Variants in PTPRK observed in about 807,000 individuals in gnomAD.
The protein encoded by PTPRK is receptor-type tyrosine-protein phosphatase kappa.
Under a neutral mutation model 178.0 loss-of-function variants are expected in PTPRK, and 75 were observed. That is an observed-to-expected ratio of 0.42 (90% CI 0.35 to 0.51). PTPRK has a LOEUF of 0.51. PTPRK is among the 20% of genes least tolerant of loss of function. The probability of loss-of-function intolerance (pLI) is 0.02; values close to 1 mark genes in which losing one functional copy is unlikely to be tolerated. For synonymous variants in PTPRK, 637 were observed against 620.6 expected (o/e 1.03, Z -0.39); for missense variants, 1,441 against 1,797.8 (o/e 0.80, Z 3.59).
intron 3 of PTPRK, among the ~76,000 whole-genome samples, chr6:128,262,820 T>A (rs188266391): frequency 1.3e-5 from 2 of 149,728 alleles, no homozygotes; most frequent in Admixed American, 1.3e-4. Context: ...TTTTTTTTTT[T>A]TCCCAAGAAT....
At chr6:128,503,842 T>TGTGTGTGTG (rs1855908148) in intron 1 of PTPRK, among the ~76,000 whole-genome samples, 1 of 139,886 alleles carries the variant, frequency 7.1e-6, no homozygotes, top group African/African-American at 2.7e-5. Flanking sequence ...CTGGTTATTA[T>TGTGTGTGTG]TGTGTGTGTG....
At chr6:128,333,015 A>C (rs1203527144) in intron 2 of PTPRK, among the ~76,000 whole-genome samples, 2 of 152,216 alleles carry the variant, frequency 1.3e-5, no homozygotes, top group Non-Finnish European at 2.9e-5. Context: ...AGTAGTGAAA[A>C]GTTTTGAGAA....
chr6:128,480,188 G>A (rs1192842116), intron 1 of PTPRK, among the ~76,000 whole-genome samples: 1 of 152,092 alleles, frequency 6.6e-6, no homozygotes, highest in Non-Finnish European at 1.5e-5. Context: ...GCCTGACTGT[G>A]GCTGAAACCC....
chr6:128,124,274 T>C lies in PTPRK; in HGVS notation c.1163-34282A>G, dbSNP rs563641438. ...GACCAGGCTGGTCTCAAACACCTGA[T>C]CTACCTCAGGTGACCCACCCACCAC... On this transcript the variant is annotated intron_variant, in intron 7 of 29. Transcript: ENST00000368226. Among the ~76,000 whole-genome samples the C allele has an allele frequency of 2.0e-5, 3 of 152,062 alleles. No homozygotes were observed. The South Asian group carries it at 6.2e-4, about 32-fold the overall frequency.
intron 28 of PTPRK, 135 bp from the exon 29 acceptor site, chr6:127,973,292 T>C: frequency 7.0e-7 from 1 of 1,419,344 alleles, no homozygotes; most frequent in Non-Finnish European, 9.5e-7. Context: ...TTGCTTTATA[T>C]GTGTACAAGG....
At chr6:128,054,809 A>C (rs1779626629) in intron 13 of PTPRK, among the ~76,000 whole-genome samples, 1 of 152,226 alleles carries the variant, frequency 6.6e-6, no homozygotes, top group Non-Finnish European at 1.5e-5. Flanking sequence ...CATGGAGAAC[A>C]CTTAGCACAG....
At chr6:128,485,995 A>T (rs1462714892) in intron 1 of PTPRK, among the ~76,000 whole-genome samples, 1 of 152,220 alleles carries the variant, frequency 6.6e-6, no homozygotes, top group Non-Finnish European at 1.5e-5. Flanking sequence ...AATTAATGCC[A>T]CTTAAGTAGT....
chr6:128,273,707 G>C (rs1820264379), intron 3 of PTPRK, among the ~76,000 whole-genome samples: 1 of 152,138 alleles, frequency 6.6e-6, no homozygotes, highest in African/African-American at 2.4e-5. Context: ...AATGTCTAGG[G>C]TTATCTCCAT....
At chr6:128,460,501 T>G (rs1848922000) in intron 1 of PTPRK, among the ~76,000 whole-genome samples, 1 of 151,872 alleles carries the variant, frequency 6.6e-6, no homozygotes, top group Non-Finnish European at 1.5e-5. Context: ...GCTGTAATCA[T>G]ACCACTGTAC....
At chr6:128,499,169 A>G (rs367591622) in intron 1 of PTPRK, among the ~76,000 whole-genome samples, 1 of 152,286 alleles carries the variant, frequency 6.6e-6, no homozygotes, top group East Asian at 1.9e-4. Context: ...TAAAAAAAAA[A>G]CCTTAGCTTT....
intron 7 of PTPRK, among the ~76,000 whole-genome samples, chr6:128,150,381 A>C (rs142352730): frequency 6.6e-6 from 1 of 152,168 alleles, no homozygotes; most frequent in Admixed American, 6.6e-5. Context: ...ATATAACTCT[A>C]CCATTGTTTA....
intron 13 of PTPRK, among the ~76,000 whole-genome samples, chr6:128,055,413 G>T (rs1322526697): frequency 2.0e-5 from 3 of 152,098 alleles, no homozygotes; most frequent in African/African-American, 4.8e-5. Flanking sequence ...CTAAGTAATG[G>T]TGTAGAGTTG....
intron 21 of PTPRK, among the ~76,000 whole-genome samples, chr6:127,988,331 T>A (rs558896385): frequency 1.4e-5 from 2 of 146,790 alleles, no homozygotes; most frequent in Non-Finnish European, 1.5e-5. Flanking sequence ...TGAGACAGTG[T>A]CTCCCTCTGT....
At chr6:128,508,298 T>C (rs977994447) in intron 1 of PTPRK, among the ~76,000 whole-genome samples, 1 of 152,104 alleles carries the variant, frequency 6.6e-6, no homozygotes, top group Non-Finnish European at 1.5e-5. Context: ...TGGCACAGCA[T>C]GGGCACATAG....
intron 2 of PTPRK, among the ~76,000 whole-genome samples, chr6:128,354,309 C>T (rs1229506836): frequency 7.9e-6 from 1 of 127,346 alleles, no homozygotes; most frequent in African/African-American, 2.9e-5. Flanking sequence ...ACCATCTCGG[C>T]TCACTGCAAG....
At chr6:128,167,584 T>A (rs1343675459) in intron 7 of PTPRK, among the ~76,000 whole-genome samples, 1 of 151,986 alleles carries the variant, frequency 6.6e-6, no homozygotes, top group Non-Finnish European at 1.5e-5. Flanking sequence ...TTCATATAAC[T>A]AGGTGGATTT....
chr6:128,110,890 C>T (rs1790540520), intron 7 of PTPRK, among the ~76,000 whole-genome samples: 1 of 152,130 alleles, frequency 6.6e-6, no homozygotes, highest in Non-Finnish European at 1.5e-5. Flanking sequence ...GACACAAATG[C>T]TATTTAAGAC....
chr6:128,219,157 A>G, intron 5 of PTPRK, 61 bp from the exon 6 acceptor site: 1 of 1,429,340 alleles, frequency 7.0e-7, no homozygotes, highest in Non-Finnish European at 9.6e-7. Context: ...TCTATAAAGC[A>G]TCTTAGCAAG....
At chr6:127,978,631 A>T (rs999844694) in intron 25 of PTPRK, among the ~76,000 whole-genome samples, 2 of 152,216 alleles carry the variant, frequency 1.3e-5, no homozygotes, top group East Asian at 3.8e-4. Flanking sequence ...TCTTCTTCCA[A>T]TCAAATGTCT....
Sources: allele counts gnomAD v4.1 joint callset (sites outside exome capture counted in the v4.1 genomes callset), GRCh38; gene constraint gnomAD v4.1.1; transcripts MANE v1.5; gene names NCBI Gene and HGNC (gene_info 2026-07-23, HGNC 2026-07-21).